The following IL1RAPL1 variants were observed in gnomAD, a reference collection of about 807,000 sequenced individuals.
The protein encoded by IL1RAPL1 is interleukin 1 receptor accessory protein like 1.
IL1RAPL1 carries 3 observed loss-of-function variants against 48.4 expected under a neutral mutation model. The ratio of observed to expected loss-of-function variants is 0.06; its 90% CI spans 0.03 to 0.16. The LOEUF is 0.16. IL1RAPL1 is among the 10% of genes least tolerant of loss of function. The pLI is 1.00. For missense variants in IL1RAPL1, 349 were observed against 530.6 expected, an observed-to-expected ratio of 0.66 and a Z score of 3.36; for synonymous variants, 185 against 187.7, an observed-to-expected ratio of 0.99 and a Z score of 0.12.
Position 28,792,346 on chromosome X carries a change from T to C in IL1RAPL1, c.82+2921T>C, listed in dbSNP as rs373417355. On this transcript the variant is annotated intron_variant, in intron 2 of 10. Transcript: ENST00000378993. ...AGTGTTTACTTTAGATTAACACATA[T>C]GGTCATTCCATAAAAGTAGATATTG... is the stretch of plus-strand genomic sequence containing the variant. 4.8e-4 allele frequency among the ~76,000 whole-genome samples: 53 copies of C among 111,445 alleles called. 1 individual carries two copies. In the East Asian group the frequency reaches 9.9e-3, roughly 21 times the overall value.
intron 5 of IL1RAPL1, among the ~76,000 whole-genome samples, chrX:29,567,857 T>C (rs1457716603): frequency 3.6e-5 from 4 of 111,246 alleles, no homozygotes; most frequent in African/African-American, 1.3e-4. Context: ...GACATCTTCC[T>C]TTGAAAATGG....
chrX:29,343,226 A>G (rs1040661680), intron 3 of IL1RAPL1, among the ~76,000 whole-genome samples: 13 of 112,457 alleles, frequency 1.2e-4, no homozygotes, highest in Admixed American at 1.0e-3. Context: ...CAAATTATCA[A>G]TAATGGTTTT....
At chrX:28,892,636 C>T (rs760148218) in intron 2 of IL1RAPL1, among the ~76,000 whole-genome samples, 2 of 109,644 alleles carry the variant, frequency 1.8e-5, no homozygotes, top group South Asian at 4.0e-4. Context: ...GTTGGGGCGG[C>T]GAAAATTTTC....
intron 6 of IL1RAPL1, among the ~76,000 whole-genome samples, chrX:29,743,191 ATTAGT>A (rs1928251029): frequency 9.3e-6 from 1 of 107,875 alleles, no homozygotes; most frequent in South Asian, 3.8e-4. Flanking sequence ...ATACATGTAT[ATTAGT>A]TTAAATTATA....
At position 28,612,166 on chromosome X, in the gene IL1RAPL1, C is replaced by T. The variant is rs762313626; in HGVS notation, c.-25+24119C>T. ...AAAGATACCTTCCAACTATGACCCG[C>T]CACTCTGCTGTTCTCACCCTGGCTC... On this transcript the variant is annotated intron_variant, in intron 1 of 10. Coordinates refer to ENST00000378993, the MANE Select transcript of IL1RAPL1 (RefSeq NM_014271.4). 2.7e-5 allele frequency among the ~76,000 whole-genome samples: 3 copies of T among 111,630 alleles called. No homozygotes were observed. The East Asian group carries it at 8.5e-4, about 32-fold the overall frequency.
chrX:29,943,376 A>G (rs1933164283), intron 9 of IL1RAPL1, among the ~76,000 whole-genome samples: 1 of 111,695 alleles, frequency 9.0e-6, no homozygotes, highest in African/African-American at 3.3e-5. Flanking sequence ...CCTGAGGTCA[A>G]TATTGTAATC....
intron 5 of IL1RAPL1, among the ~76,000 whole-genome samples, chrX:29,637,705 A>C (rs973833249): frequency 9.0e-6 from 1 of 111,589 alleles, no homozygotes; most frequent in Non-Finnish European, 1.9e-5. Flanking sequence ...TATGGAGTTT[A>C]TCTCTCCCAT....
At chrX:29,384,251 A>G (rs1025027790) in intron 3 of IL1RAPL1, among the ~76,000 whole-genome samples, 1 of 111,503 alleles carries the variant, frequency 9.0e-6, no homozygotes, top group Admixed American at 9.6e-5. Flanking sequence ...GGAAACCACT[A>G]CCACCCCTAT....
At chrX:29,058,830 T>C (rs899413283) in intron 2 of IL1RAPL1, among the ~76,000 whole-genome samples, 2 of 112,154 alleles carry the variant, frequency 1.8e-5, no homozygotes, top group African/African-American at 6.5e-5. Context: ...TCTCTTCAGC[T>C]CATAGTTTGT....
rs1934304373 is a variant in IL1RAPL1, at chrX:29,422,631, C to T, written c.703+23323C>T. ...GTTGCAATCTAAATGATATTTTTTTCTTTTTCTAAAATGCCAAGGGCAAGT... is the reference window on the plus strand; with the variant it reads ...GTTGCAATCTAAATGATATTTTTTTTTTTTTCTAAAATGCCAAGGGCAAGT... On this transcript the variant is annotated intron_variant, in intron 5 of 10. Transcript: ENST00000378993. 2.7e-5 allele frequency among the ~76,000 whole-genome samples: 3 copies of T among 111,637 alleles called. No homozygotes were observed. In the South Asian group the frequency reaches 1.1e-3, roughly 42 times the overall value.
chrX:29,862,524 A>G (rs1253687924), intron 6 of IL1RAPL1, among the ~76,000 whole-genome samples: 1 of 111,907 alleles, frequency 8.9e-6, no homozygotes, highest in Non-Finnish European at 1.9e-5. Flanking sequence ...AGCACATGAG[A>G]TTTATAATGC....
At chrX:29,080,999 T>TTTCTTC (rs1927812261) in intron 2 of IL1RAPL1, among the ~76,000 whole-genome samples, 1 of 61,647 alleles carries the variant, frequency 1.6e-5, no homozygotes, top group African/African-American at 7.2e-5. Context: ...TTTCTTTCTC[T>TTTCTTC]CTCTCTCTCT....
In IL1RAPL1 at chrX:29,664,824, A is replaced by G. The variant is rs888911136; in HGVS notation, c.704-3606A>G. ...AAAAGTTAATATAGATAGGGAATCA[A>G]TCCTGTACACATCTTCATGTGTTCT... is the stretch of plus-strand genomic sequence containing the variant. On this transcript the variant is annotated intron_variant, in intron 5 of 10. Transcript: ENST00000378993. Among the ~76,000 whole-genome samples, 3 of 112,166 alleles carry G rather than the reference A, an allele frequency of 2.7e-5. No individual in the cohort carries two copies. In the Admixed American group the frequency reaches 2.8e-4, roughly 11 times the overall value.
At chrX:29,935,637 C>T (rs775348088) in intron 8 of IL1RAPL1, among the ~76,000 whole-genome samples, 1 of 111,857 alleles carries the variant, frequency 8.9e-6, no homozygotes, top group East Asian at 2.8e-4. Context: ...AGGGTAGGCT[C>T]TAGCATGCTG....
intron 2 of IL1RAPL1, among the ~76,000 whole-genome samples, chrX:28,970,282 G>A (rs941106771): frequency 4.4e-5 from 5 of 112,486 alleles, no homozygotes; most frequent in African/African-American, 1.3e-4. Context: ...GATTACAGGC[G>A]TGAGCCACTG....
At chrX:29,321,363 C>T (rs1482720314) in intron 3 of IL1RAPL1, among the ~76,000 whole-genome samples, 2 of 111,855 alleles carry the variant, frequency 1.8e-5, no homozygotes, top group African/African-American at 6.5e-5. Flanking sequence ...AATAGGAGCT[C>T]ATTTCTAGCT....
chrX:28,861,853 T>C (rs1188829369), intron 2 of IL1RAPL1, among the ~76,000 whole-genome samples: 1 of 110,334 alleles, frequency 9.1e-6, no homozygotes, highest in Admixed American at 9.6e-5. Flanking sequence ...GTGTTTAGTA[T>C]TTATTTAATT....
At chrX:29,459,765 G>A (rs1226151233) in intron 5 of IL1RAPL1, among the ~76,000 whole-genome samples, 1 of 111,437 alleles carries the variant, frequency 9.0e-6, no homozygotes, top group Non-Finnish European at 1.9e-5. Context: ...CACTTTTGTG[G>A]TGAGAACACA....
intron 5 of IL1RAPL1, among the ~76,000 whole-genome samples, chrX:29,445,001 A>G (rs1244266844): frequency 8.9e-6 from 1 of 112,504 alleles, no homozygotes; most frequent in Non-Finnish European, 1.9e-5. Context: ...AATTTATTCT[A>G]GCTTTCCTTT....
Sources: allele counts gnomAD v4.1 joint callset (sites outside exome capture counted in the v4.1 genomes callset), GRCh38; gene constraint gnomAD v4.1.1; transcripts MANE v1.5; gene names NCBI Gene and HGNC (gene_info 2026-07-23, HGNC 2026-07-21).